ITGA1: variants seen among roughly 807,000 people sequenced by gnomAD.
ITGA1 encodes integrin alpha-1.
ITGA1 carries 85 observed loss-of-function variants against 145.9 expected under a neutral mutation model. The ratio of observed to expected loss-of-function variants is 0.58; its 90% CI spans 0.49 to 0.70. The LOEUF is 0.70. ITGA1 is among the 30% of genes least tolerant of loss of function. ITGA1 has a pLI of 0.00. For missense variants in ITGA1, 1,351 were observed against 1,418.7 expected, an observed-to-expected ratio of 0.95 and a Z score of 0.77; for synonymous variants, 520 against 495.3, an observed-to-expected ratio of 1.05 and a Z score of -0.66.
chr5:52,802,564 A>G (rs1425888690), intron 1 of ITGA1: 2 of 152,192 alleles, frequency 1.3e-5, no homozygotes, highest in Admixed American at 6.5e-5. Flanking sequence ...TCCTTGAGGC[A>G]TCTTTATTTT....
At chr5:52,937,186 G>T (rs537862084) in intron 23 of ITGA1, among the ~76,000 whole-genome samples, 2 of 152,254 alleles carry the variant, frequency 1.3e-5, no homozygotes, top group South Asian at 2.1e-4. Flanking sequence ...TATGATTATA[G>T]CTGATACATA....
At chr5:52,827,846 G>A (rs749132850) in intron 1 of ITGA1, among the ~76,000 whole-genome samples, 1 of 152,140 alleles carries the variant, frequency 6.6e-6, no homozygotes, top group Non-Finnish European at 1.5e-5. Flanking sequence ...ATAATGCTTT[G>A]TGTACTTAAT....
intron 10 of ITGA1, 93 bp downstream of exon 10, chr5:52,897,621 TG>T: frequency 2.4e-6 from 2 of 826,676 alleles, no homozygotes; most frequent in Non-Finnish European, 4.2e-6. Flanking sequence ...AAGTGCAACG[TG>T]CAGTTCATAG....
At chr5:52,856,784 A>G (rs568019508) in intron 2 of ITGA1, among the ~76,000 whole-genome samples, 2 of 152,088 alleles carry the variant, frequency 1.3e-5, no homozygotes, top group Non-Finnish European at 2.9e-5. Context: ...AGTCATTCCA[A>G]TACTTAGTCA....
At position 52,902,080 on chromosome 5, in the gene ITGA1, C is replaced by A. The variant is rs200125922; in HGVS notation, c.1310-3683C>A. 6.6e-5 allele frequency: 10 copies of A among 151,906 alleles called. No homozygotes were observed. The East Asian group carries it at 1.7e-3, about 27-fold the overall frequency. The allele number at this position is 151,906 out of a possible 1,614,324, so 9.4% of individuals were successfully genotyped here. A position where few individuals can be genotyped will look rare whatever the true frequency, so the allele number is the denominator to read the frequency against. ...GTGGGGGTCACAAATTGAGAAGAGA[C>A]TGAGTGTATTTTTTCATAAACTGTG... is the stretch of plus-strand genomic sequence containing the variant. On this transcript the variant is annotated intron_variant, in intron 11 of 28. Coordinates refer to ENST00000282588, the MANE Select transcript of ITGA1 (RefSeq NM_181501.2).
intron 11 of ITGA1, among the ~76,000 whole-genome samples, chr5:52,898,654 C>T (rs1750268867): frequency 1.3e-5 from 2 of 151,996 alleles, no homozygotes; most frequent in Non-Finnish European, 2.9e-5. Context: ...TGTTCAGTTT[C>T]TCTGTGTCTG....
Position 52,933,879 on chromosome 5 carries a change from A to G in ITGA1, c.2862-15A>G. Reference sequence around the variant, plus strand: ...CTTTGTTATGTTTTATTTTTCTTCTAATTAATTTTTTAAGCTCTGCAAGTG... The same window carrying G: ...CTTTGTTATGTTTTATTTTTCTTCTGATTAATTTTTTAAGCTCTGCAAGTG... On this transcript the variant is annotated splice_polypyrimidine_tract_variant and intron_variant, in intron 22 of 28. Coordinates refer to ENST00000282588, the MANE Select transcript of ITGA1 (RefSeq NM_181501.2). 1 of 1,307,378 alleles carries G rather than the reference A, an allele frequency of 7.6e-7. No homozygotes were observed. Among genetic ancestry groups the G allele is most frequent in the Admixed American group, 2.5e-5 (1 of 40,696 alleles). The allele number at this position is 1,307,378 out of a possible 1,614,324, so 81.0% of individuals were successfully genotyped here. A position where few individuals can be genotyped will look rare whatever the true frequency, so the allele number is the denominator to read the frequency against.
chr5:52,792,608 C>T (rs1748263979), intron 1 of ITGA1, among the ~76,000 whole-genome samples: 1 of 152,182 alleles, frequency 6.6e-6, no homozygotes, highest in Non-Finnish European at 1.5e-5. Context: ...TGTTCCTCCA[C>T]TTCCAACCCA....
intron 7 of ITGA1, among the ~76,000 whole-genome samples, chr5:52,884,878 A>T (rs1446244175): frequency 1.3e-5 from 2 of 152,160 alleles, no homozygotes. Flanking sequence ...ACTAGAGTTT[A>T]TGCAAACCTC....
At chr5:52,809,326 A>G (rs1185271252) in intron 1 of ITGA1, among the ~76,000 whole-genome samples, 2 of 152,122 alleles carry the variant, frequency 1.3e-5, no homozygotes, top group African/African-American at 2.4e-5. Context: ...TAGCAGTGCA[A>G]TCTGGCACAG....
At chr5:52,832,418 T>C (rs1285458041) in intron 1 of ITGA1, among the ~76,000 whole-genome samples, 2 of 152,142 alleles carry the variant, frequency 1.3e-5, no homozygotes, top group African/African-American at 4.8e-5. Context: ...TGGAGTAGAA[T>C]AGATGCCAAA....
At chr5:52,947,616 G>A (rs375141298) in intron 28 of ITGA1, among the ~76,000 whole-genome samples, 155 bp downstream of exon 28, 12 of 152,012 alleles carry the variant, frequency 7.9e-5, no homozygotes, top group Admixed American at 3.3e-4. Flanking sequence ...AGAAAAATGC[G>A]TATTTCAAAC....
At chr5:52,895,523 TAAAAG>T (rs1271722161) in intron 9 of ITGA1, among the ~76,000 whole-genome samples, 1 of 152,200 alleles carries the variant, frequency 6.6e-6, no homozygotes, top group Non-Finnish European at 1.5e-5. Flanking sequence ...AAAAATAATT[TAAAAG>T]AAAAGTTACA....
chr5:52,882,045 A>G (rs368225176), intron 7 of ITGA1, 24 bp downstream of exon 7: 38 of 1,527,586 alleles, frequency 2.5e-5, no homozygotes, highest in South Asian at 1.4e-4. Context: ...AAAATAAACT[A>G]AAGTAAAAGA....
At chr5:52,856,320 C>A (rs1749511047) in intron 2 of ITGA1, among the ~76,000 whole-genome samples, 1 of 152,098 alleles carries the variant, frequency 6.6e-6, no homozygotes, top group African/African-American at 2.4e-5. Flanking sequence ...TATTAGCATG[C>A]TGTACAAGAC....
chr5:52,893,862 C>T, intron 9 of ITGA1, 22 bp downstream of exon 9: 4 of 1,566,592 alleles, frequency 2.6e-6, no homozygotes, highest in Non-Finnish European at 3.5e-6. Context: ...TATCTTATTG[C>T]TGCATGTTCT....
chr5:52,882,690 A>G (rs1749978802), intron 7 of ITGA1, among the ~76,000 whole-genome samples: 1 of 152,178 alleles, frequency 6.6e-6, no homozygotes, highest in South Asian at 2.1e-4. Flanking sequence ...ATAAGAACGA[A>G]CAGAATTGTC....
Position 52,939,903 on chromosome 5 carries a change from G to A in ITGA1, c.3244G>A (p.Val1082Ile), listed in dbSNP as rs1305175499. The change falls in exon 26 of 29, where the codon GTC becomes ATC. Residue 1082 changes from valine (V) to isoleucine (I), a missense_variant. Val to Ile is a conservative substitution (Grantham distance 29). Coordinates refer to ENST00000282588, the MANE Select transcript of ITGA1 (RefSeq NM_181501.2). ...CNLTSSDISQ[V>I]NVSLILWKPT... is the part of the protein sequence containing the mutation. ...TCTCACTTCTTCTGACATCAGCCAAGTCAATGTTTCGCTTATCTTGTGGAA... is the reference window on the plus strand; with the variant it reads ...TCTCACTTCTTCTGACATCAGCCAAATCAATGTTTCGCTTATCTTGTGGAA... The A allele has an allele frequency of 6.2e-7, 1 of 1,613,398 alleles. No homozygotes were observed. Among genetic ancestry groups the A allele is most frequent in the Non-Finnish European group, 8.5e-7 (1 of 1,179,502 alleles).
chr5:52,832,777 G>GTC (rs1749092665), intron 1 of ITGA1, among the ~76,000 whole-genome samples: 2 of 109,688 alleles, frequency 1.8e-5, no homozygotes, highest in South Asian at 7.1e-4. Context: ...GTGTGTGTGT[G>GTC]TGTGTGTGTG....
Sources: allele counts gnomAD v4.1 joint callset (sites outside exome capture counted in the v4.1 genomes callset), GRCh38; gene constraint gnomAD v4.1.1; transcripts MANE v1.5; gene names NCBI Gene and HGNC (gene_info 2026-07-23, HGNC 2026-07-21).